Variants in CEP85L observed in about 807,000 individuals in gnomAD.
CEP85L encodes the protein centrosomal protein of 85 kDa-like.
In CEP85L, 60 loss-of-function variants were observed where a neutral mutation model predicts 100.3. The ratio of observed to expected loss-of-function variants is 0.60; its 90% CI spans 0.49 to 0.74. CEP85L has a LOEUF of 0.74. Ranked by LOEUF, CEP85L falls within the 30% of genes least tolerant of loss-of-function variation. The pLI, the probability that CEP85L is intolerant of heterozygous loss-of-function variation, is 0.00. For synonymous variants in CEP85L, 319 were observed against 322.7 expected, an observed-to-expected ratio of 0.99 and a Z score of 0.12; for missense variants, 973 against 936.2, an observed-to-expected ratio of 1.04 and a Z score of -0.51.
intron 1 of CEP85L, among the ~76,000 whole-genome samples, chr6:118,678,470 A>G (rs1776547908): frequency 6.6e-6 from 1 of 152,144 alleles, no homozygotes. Context: ...CAGCCACCGT[A>G]TATTTGTCTA....
chr6:118,691,999 A>T (rs1343226274), intron 1 of CEP85L, among the ~76,000 whole-genome samples: 2 of 152,030 alleles, frequency 1.3e-5, no homozygotes, highest in Non-Finnish European at 2.9e-5. Flanking sequence ...TTCTTCCTCC[A>T]TGAAGCTTGT....
intron 4 of CEP85L, among the ~76,000 whole-genome samples, chr6:118,517,823 A>G (rs1235600266): frequency 1.3e-5 from 2 of 152,224 alleles, no homozygotes; most frequent in African/African-American, 4.8e-5. Context: ...CAGTTTTCAA[A>G]GGGAATGCCT....
chr6:118,534,241 TAAC>T (rs1278019006), intron 3 of CEP85L, among the ~76,000 whole-genome samples: 1 of 152,156 alleles, frequency 6.6e-6, no homozygotes, highest in African/African-American at 2.4e-5. Flanking sequence ...TTCTATATAT[TAAC>T]AACAAAAGGG....
At chr6:118,624,599 T>G (rs1382059494) in intron 2 of CEP85L, among the ~76,000 whole-genome samples, 1 of 152,062 alleles carries the variant, frequency 6.6e-6, no homozygotes, top group Non-Finnish European at 1.5e-5. Context: ...GGATATTGTT[T>G]AAAACTAAAT....
chr6:118,515,635 G>A (rs182156585), intron 4 of CEP85L, among the ~76,000 whole-genome samples: 136 of 152,234 alleles, frequency 8.9e-4, no homozygotes, highest in Middle Eastern at 6.8e-3. Flanking sequence ...TAACATAATT[G>A]TAAATAACTT....
At chr6:118,488,744 T>C (rs1365242090) in intron 6 of CEP85L, among the ~76,000 whole-genome samples, 2 of 151,976 alleles carry the variant, frequency 1.3e-5, no homozygotes, top group Non-Finnish European at 2.9e-5. Flanking sequence ...CCCAAAGAAA[T>C]ATGTACAAAG....
intron 4 of CEP85L, among the ~76,000 whole-genome samples, chr6:118,511,918 GA>G (rs1276607549): frequency 2.7e-5 from 4 of 150,742 alleles, no homozygotes; most frequent in African/African-American, 9.7e-5. Flanking sequence ...AGTCAGGAGA[GA>G]TTCGTCATAT....
intron 3 of CEP85L, among the ~76,000 whole-genome samples, chr6:118,557,896 T>C (rs998469320): frequency 2.0e-5 from 3 of 152,110 alleles, no homozygotes; most frequent in Admixed American, 6.6e-5. Flanking sequence ...TGATTCCATG[T>C]TTTTAATAGA....
At chr6:118,540,447 C>G (rs182731845) in intron 3 of CEP85L, among the ~76,000 whole-genome samples, 84 of 152,110 alleles carry the variant, frequency 5.5e-4, no homozygotes, top group African/African-American at 1.8e-3. Context: ...GTATGCAAAC[C>G]TATGTTTGAT....
At chr6:118,529,194 A>C (rs1457760757) in intron 3 of CEP85L, among the ~76,000 whole-genome samples, 1 of 152,214 alleles carries the variant, frequency 6.6e-6, no homozygotes, top group African/African-American at 2.4e-5. Context: ...AAAACTGTCA[A>C]TTTAATGTGT....
At chr6:118,521,910 T>C (rs1776691129) in intron 4 of CEP85L, among the ~76,000 whole-genome samples, 1 of 152,152 alleles carries the variant, frequency 6.6e-6, no homozygotes. Context: ...TTGAGAAATA[T>C]ATATTTTATT....
At chr6:118,704,239 A>G (rs989992574) in intron 1 of CEP85L, among the ~76,000 whole-genome samples, 1 of 152,232 alleles carries the variant, frequency 6.6e-6, no homozygotes, top group African/African-American at 2.4e-5. Flanking sequence ...CTTGACTAAC[A>G]TCCAATTCTT....
chr6:118,529,028 T>C (rs1275998362), intron 3 of CEP85L, among the ~76,000 whole-genome samples: 2 of 152,210 alleles, frequency 1.3e-5, no homozygotes, highest in Non-Finnish European at 2.9e-5. Flanking sequence ...CAGAATCATT[T>C]TGCACTAAAT....
intron 3 of CEP85L, among the ~76,000 whole-genome samples, chr6:118,536,019 T>C (rs1438305119): frequency 6.6e-6 from 1 of 152,122 alleles, no homozygotes; most frequent in East Asian, 1.9e-4. Context: ...TTTCTAAAAT[T>C]GTAGGTAAAT....
intron 3 of CEP85L, among the ~76,000 whole-genome samples, chr6:118,547,728 G>C (rs964156036): frequency 6.6e-6 from 1 of 152,024 alleles, no homozygotes; most frequent in African/African-American, 2.4e-5. Flanking sequence ...TTAACTGTAA[G>C]ATAAAAATAA....
At chr6:118,514,354 A>G (rs1452586859) in intron 4 of CEP85L, among the ~76,000 whole-genome samples, 2 of 151,872 alleles carry the variant, frequency 1.3e-5, no homozygotes, top group Non-Finnish European at 2.9e-5. Flanking sequence ...GTGAAACCCC[A>G]TCTCCACTAA....
At chr6:118,604,809 T>C (rs1437882746) in intron 2 of CEP85L, among the ~76,000 whole-genome samples, 3 of 152,246 alleles carry the variant, frequency 2.0e-5, no homozygotes, top group Non-Finnish European at 4.4e-5. Context: ...GCAAATCTAA[T>C]ATCTGACCTT....
At chr6:118,594,040 T>C (rs1302075946) in intron 2 of CEP85L, among the ~76,000 whole-genome samples, 1 of 152,200 alleles carries the variant, frequency 6.6e-6, no homozygotes, top group Non-Finnish European at 1.5e-5. Flanking sequence ...CTCTGTTGTC[T>C]ATCCCTACCA....
chr6:118,465,014 T>C lies in CEP85L; in HGVS notation c.*391A>G, dbSNP rs1772415368. 6.4e-6 allele frequency: 1 copy of C among 156,098 alleles called. No individual in the cohort carries two copies. The highest frequency in any genetic ancestry group is 2.4e-5 in the African/African-American group (1 of 41,462). The allele number at this position is 156,098 out of a possible 1,614,324, so 9.7% of individuals were successfully genotyped here. A position where few individuals can be genotyped will look rare whatever the true frequency, so the allele number is the denominator to read the frequency against. On this transcript the variant is annotated 3_prime_UTR_variant, in exon 13 of 13. Coordinates refer to ENST00000368491, the MANE Select transcript of CEP85L (RefSeq NM_001042475.3). ...CTCTGACCCTAGAAACCCTTATAAA[T>C]TTGTGAATAAAGCACGTGCACACAC...
Sources: gnomAD v4.1 joint callset for allele counts (sites outside exome capture counted in the v4.1 genomes callset) on GRCh38, gnomAD v4.1.1 for gene constraint, MANE v1.5 for transcripts, NCBI Gene and HGNC (gene_info 2026-07-23, HGNC 2026-07-21) for gene names.